The following TENM3 variants were observed in gnomAD, a reference collection of about 807,000 sequenced individuals.
TENM3 encodes teneurin-3.
A neutral mutation model predicts 255.1 loss-of-function variants in TENM3; 63 were observed. That is an observed-to-expected ratio of 0.25 (90% confidence interval 0.20 to 0.30). TENM3 has a LOEUF of 0.30. Ranked by LOEUF, TENM3 falls within the 10% of genes least tolerant of loss-of-function variation. The probability of loss-of-function intolerance (pLI) is 1.00; values close to 1 mark genes in which losing one functional copy is unlikely to be tolerated. For synonymous variants in TENM3, 1,306 were observed against 1,322.3 expected, an observed-to-expected ratio of 0.99 and a Z score of 0.27; for missense variants, 2,929 against 3,461.1, an observed-to-expected ratio of 0.85 and a Z score of 3.86.
the TENM3 span, among the ~76,000 whole-genome samples, chr4:182,011,292 C>A: frequency 6.6e-6 from 1 of 152,238 alleles, no homozygotes; most frequent in Non-Finnish European, 1.5e-5. Flanking sequence ...ATCATACTCA[C>A]AGTTGCACAT....
At chr4:182,152,842 C>T (rs1750437104) in intron 1 of TENM3, among the ~76,000 whole-genome samples, 1 of 151,276 alleles carries the variant, frequency 6.6e-6, no homozygotes, top group Non-Finnish European at 1.5e-5. Context: ...GTAACTTAAA[C>T]CAAAGAAAAA....
At chr4:181,906,906 TCTCA>T in the TENM3 span, among the ~76,000 whole-genome samples, 2 of 151,928 alleles carry the variant, frequency 1.3e-5, no homozygotes, top group African/African-American at 4.8e-5. Flanking sequence ...TGAGATGGAG[TCTCA>T]CTATGTCGCC....
At chr4:181,539,870 G>A in the TENM3 span, among the ~76,000 whole-genome samples, 1 of 152,228 alleles carries the variant, frequency 6.6e-6, no homozygotes, top group African/African-American at 2.4e-5. Flanking sequence ...GATAGTTCAT[G>A]GTAGATTTTT....
At chr4:182,084,669 A>G in the TENM3 span, among the ~76,000 whole-genome samples, 1 of 152,240 alleles carries the variant, frequency 6.6e-6, no homozygotes, top group African/African-American at 2.4e-5. Context: ...ATAGAGTATA[A>G]GTAGATGCTG....
At chr4:182,718,058 A>T (rs1579219921) in intron 13 of TENM3, among the ~76,000 whole-genome samples, 2 of 152,040 alleles carry the variant, frequency 1.3e-5, no homozygotes, top group Middle Eastern at 6.8e-3. Context: ...CCTACCACAG[A>T]CTTCCACTCC....
At chr4:182,138,774 C>A in the TENM3 span, among the ~76,000 whole-genome samples, 1 of 152,262 alleles carries the variant, frequency 6.6e-6, no homozygotes, top group Non-Finnish European at 1.5e-5. Context: ...AAAGAGAAAA[C>A]CAAAATTTGA....
chr4:182,697,411 G>A (rs867486966), intron 12 of TENM3, among the ~76,000 whole-genome samples: 10 of 152,144 alleles, frequency 6.6e-5, no homozygotes, highest in South Asian at 4.1e-4. Context: ...CCTGATTGGC[G>A]CTGAAAATCT....
intron 13 of TENM3, among the ~76,000 whole-genome samples, chr4:182,719,494 T>C (rs1426610330): frequency 6.6e-6 from 1 of 151,764 alleles, no homozygotes; most frequent in Non-Finnish European, 1.5e-5. Flanking sequence ...CTCCTGACCT[T>C]GTGATCCGCC....
the TENM3 span, among the ~76,000 whole-genome samples, chr4:181,578,818 A>G: frequency 1.3e-5 from 2 of 152,200 alleles, no homozygotes; most frequent in South Asian, 2.1e-4. Context: ...GGATTAACTC[A>G]TTATGCCTCA....
the TENM3 span, among the ~76,000 whole-genome samples, chr4:181,994,283 G>A: frequency 1.5e-4 from 23 of 152,206 alleles, no homozygotes; most frequent in African/African-American, 5.5e-4. Flanking sequence ...GGGTGGGGTA[G>A]GGGGTAGTTA....
chr4:182,333,841 GA>G (rs1177555240), intron 2 of TENM3, among the ~76,000 whole-genome samples: 1 of 152,108 alleles, frequency 6.6e-6, no homozygotes, highest in Non-Finnish European at 1.5e-5. Context: ...TAAAAAAAAG[GA>G]ATTTGAAGTG....
intron 12 of TENM3, among the ~76,000 whole-genome samples, chr4:182,706,072 G>A (rs1404929871): frequency 3.3e-5 from 5 of 152,126 alleles, no homozygotes; most frequent in Non-Finnish European, 5.9e-5. Flanking sequence ...TTTCCACGTT[G>A]TTTAGTCTGA....
At chr4:181,448,422 C>T in the TENM3 span, among the ~76,000 whole-genome samples, 22 of 151,864 alleles carry the variant, frequency 1.4e-4, no homozygotes, top group African/African-American at 5.1e-4. Flanking sequence ...CCGCCCGCCT[C>T]GGCCTCCCAA....
At chr4:182,413,515 C>T (rs1264377559) in intron 3 of TENM3, among the ~76,000 whole-genome samples, 1 of 151,920 alleles carries the variant, frequency 6.6e-6, no homozygotes, top group Admixed American at 6.6e-5. Flanking sequence ...ACTCAGGTGG[C>T]TGAGGCACGA....
chr4:182,097,713 C>T, the TENM3 span, among the ~76,000 whole-genome samples: 1 of 152,214 alleles, frequency 6.6e-6, no homozygotes. Context: ...TAATTATCAT[C>T]ATCATCACAG....
intron 3 of TENM3, among the ~76,000 whole-genome samples, chr4:182,381,546 C>A (rs1767567288): frequency 6.9e-6 from 1 of 145,518 alleles, no homozygotes. Context: ...TTCCTCCCCT[C>A]CCCTCCCCTC....
chr4:182,590,018 C>A (rs1265199492), intron 3 of TENM3, among the ~76,000 whole-genome samples: 1 of 152,006 alleles, frequency 6.6e-6, no homozygotes, highest in Non-Finnish European at 1.5e-5. Context: ...TTGCTTCTGC[C>A]GGGTGCCTCA....
the TENM3 span, among the ~76,000 whole-genome samples, chr4:181,795,519 G>A: frequency 1.3e-5 from 2 of 152,122 alleles, no homozygotes; most frequent in African/African-American, 4.8e-5. Context: ...GCAGTCCATA[G>A]CAACTTTGGC....
chr4:181,785,623 G>C, the TENM3 span, among the ~76,000 whole-genome samples: 2 of 152,018 alleles, frequency 1.3e-5, no homozygotes, highest in African/African-American at 4.8e-5. Flanking sequence ...GTGGTCACTG[G>C]AGCATTTCAA....
Sources: gnomAD v4.1 joint callset for allele counts (sites outside exome capture counted in the v4.1 genomes callset) on GRCh38, gnomAD v4.1.1 for gene constraint, MANE v1.5 for transcripts, NCBI Gene and HGNC (gene_info 2026-07-23, HGNC 2026-07-21) for gene names.